CDH8: variants seen among roughly 807,000 people sequenced by gnomAD.
CDH8 encodes cadherin-8.
In CDH8, 17 loss-of-function variants were observed where a neutral mutation model predicts 68.1. The observed-to-expected ratio is 0.25, with a 90% CI of 0.17 to 0.37. The LOEUF (loss-of-function observed/expected upper bound fraction) is 0.37. Ranked by LOEUF, CDH8 falls within the 10% of genes least tolerant of loss-of-function variation. The probability of loss-of-function intolerance (pLI) is 1.00; values close to 1 mark genes in which losing one functional copy is unlikely to be tolerated. For missense variants in CDH8, 763 were observed against 999.3 expected (o/e 0.76, Z 3.19); for synonymous variants, 372 against 365.1 (o/e 1.02, Z -0.21).
rs1437914946 is a variant in CDH8, at chr16:61,733,475, A to T, written c.1415-6260T>A. Among the ~76,000 whole-genome samples, 9 of 147,968 alleles carry T rather than the reference A, an allele frequency of 6.1e-5. No individual in the cohort carries two copies. The East Asian group carries it at 1.5e-3, about 25-fold the overall frequency. On this transcript the variant is annotated intron_variant, in intron 8 of 11. Transcript: ENST00000577390. ...CACTAAAATAAAATAATAAGAAAAT[A>T]AAAAAATATATTGTGCTTCATCAAA...
intron 8 of CDH8, among the ~76,000 whole-genome samples, chr16:61,763,959 G>A (rs1960529214): frequency 6.6e-6 from 1 of 152,128 alleles, no homozygotes. Context: ...TATTGAACAT[G>A]ATATGCTAGT....
chr16:61,870,121 C>T (rs1389316006), intron 3 of CDH8, among the ~76,000 whole-genome samples: 4 of 152,114 alleles, frequency 2.6e-5, no homozygotes, highest in Non-Finnish European at 5.9e-5. Flanking sequence ...CCTTAAAAAT[C>T]GATGTATCTA....
intron 9 of CDH8, among the ~76,000 whole-genome samples, chr16:61,715,581 T>C (rs1462197956): frequency 4.0e-5 from 6 of 151,650 alleles, no homozygotes; most frequent in African/African-American, 1.5e-4. Context: ...ATTAGGGCCA[T>C]TGCTATTTAT....
intron 3 of CDH8, among the ~76,000 whole-genome samples, chr16:61,864,911 G>A (rs781213910): frequency 6.6e-6 from 1 of 152,132 alleles, no homozygotes; most frequent in Non-Finnish European, 1.5e-5. Context: ...TTGCCATTTA[G>A]AAAAGCCAGT....
chr16:61,883,954 GAA>G (rs1166780624), intron 3 of CDH8, among the ~76,000 whole-genome samples: 9 of 106,810 alleles, frequency 8.4e-5, no homozygotes, highest in East Asian at 4.8e-4. Flanking sequence ...GTAAACAGTA[GAA>G]GGTTTTTTTT....
chr16:61,697,494 G>GTTT (rs754345133), intron 10 of CDH8, among the ~76,000 whole-genome samples: 1 of 114,330 alleles, frequency 8.7e-6, no homozygotes. Context: ...CTTTTGGAGA[G>GTTT]TTATTTTTTT....
At chr16:61,659,113 CTTA>C (rs1963506368) in intron 10 of CDH8, among the ~76,000 whole-genome samples, 1 of 152,250 alleles carries the variant, frequency 6.6e-6, no homozygotes, top group Admixed American at 6.5e-5. Flanking sequence ...AAAAGCGAAT[CTTA>C]TTAGAGAATT....
At chr16:61,745,850 T>C (rs538060141) in intron 8 of CDH8, among the ~76,000 whole-genome samples, 1 of 152,204 alleles carries the variant, frequency 6.6e-6, no homozygotes, top group Admixed American at 6.5e-5. Context: ...TTTCTGACTG[T>C]TGCAGGCCCA....
chr16:61,870,985 G>T (rs1963346422), intron 3 of CDH8, among the ~76,000 whole-genome samples: 1 of 151,992 alleles, frequency 6.6e-6, no homozygotes, highest in African/African-American at 2.4e-5. Flanking sequence ...ATCACTTTCA[G>T]ATTTCCAAAA....
intron 2 of CDH8, among the ~76,000 whole-genome samples, chr16:61,953,361 G>C (rs1964926489): frequency 6.6e-6 from 1 of 152,012 alleles, no homozygotes; most frequent in African/African-American, 2.4e-5. Context: ...TCATCTACTT[G>C]ATATTTTTTC....
intron 2 of CDH8, among the ~76,000 whole-genome samples, chr16:61,979,828 T>C (rs1965501189): frequency 6.6e-6 from 1 of 152,172 alleles, no homozygotes; most frequent in Non-Finnish European, 1.5e-5. Flanking sequence ...GCGATACTTA[T>C]TGGACAAATG....
rs530328208 is a variant in CDH8, at chr16:61,990,157, C to T, written c.252+30995G>A. On this transcript the variant is annotated intron_variant, in intron 2 of 11. Transcript: ENST00000577390. The stretch of plus-strand genomic sequence containing the variant: ...GGTTAATATGGTGTCTGGCACAGTG[C>T]GGTAGTAATCATTAAGTTCTTACAG... Among the ~76,000 whole-genome samples the T allele has an allele frequency of 7.2e-5, 11 of 151,988 alleles. No individual in the cohort carries two copies. In the South Asian group the frequency reaches 1.9e-3, roughly 26 times the overall value.
intron 10 of CDH8, among the ~76,000 whole-genome samples, chr16:61,664,125 A>G (rs544703263): frequency 6.6e-6 from 1 of 151,954 alleles, no homozygotes; most frequent in African/African-American, 2.4e-5. Flanking sequence ...TCTGCTTGAT[A>G]ATCTCTCTAC....
At position 61,770,150 on chromosome 16, in the gene CDH8, C is replaced by T. The variant is rs377032076; in HGVS notation, c.1414+19196G>A. ...TCTAAAACAGTGTTCAGGTTACATC[C>T]ATCTAAACATTGTTATGAGGATTGA... On this transcript the variant is annotated intron_variant, in intron 8 of 11. Transcript: ENST00000577390. 4.6e-5 allele frequency among the ~76,000 whole-genome samples: 7 copies of T among 151,840 alleles called. No homozygotes were observed. The East Asian group carries it at 7.8e-4, about 17-fold the overall frequency.
intron 2 of CDH8, among the ~76,000 whole-genome samples, chr16:62,006,911 T>C (rs1202075100): frequency 1.0e-4 from 4 of 40,112 alleles, no homozygotes; most frequent in Admixed American, 1.0e-3. Flanking sequence ...ATAATCTTTT[T>C]GTTTTTTTTT....
intron 3 of CDH8, among the ~76,000 whole-genome samples, chr16:61,883,903 TGA>T (rs943778065): frequency 6.6e-6 from 1 of 151,810 alleles, no homozygotes; most frequent in Non-Finnish European, 1.5e-5. Context: ...AATATAGAAA[TGA>T]GAGTTGAAAA....
Position 61,824,178 on chromosome 16 carries a change from A to G in CDH8, c.835+834T>C, listed in dbSNP as rs569206218. On this transcript the variant is annotated intron_variant, in intron 5 of 11. Transcript: ENST00000577390. ...TAAGTGAAATAAGCCAGATCAAAGG[A>G]AAAAAAGCCCTGCCTGATCTTACTT... 3.9e-5 allele frequency among the ~76,000 whole-genome samples: 6 copies of G among 151,900 alleles called. No individual in the cohort carries two copies. In the East Asian group the frequency reaches 1.2e-3, roughly 30 times the overall value.
At chr16:61,711,440 C>G (rs1403609841) in intron 10 of CDH8, among the ~76,000 whole-genome samples, 1 of 151,790 alleles carries the variant, frequency 6.6e-6, no homozygotes, top group African/African-American at 2.4e-5. Context: ...ACTTGTAACT[C>G]ATACTGCTCT....
rs768700973 is a variant in CDH8 at position 61,821,003 on chromosome 16, T to G, written c.946A>C (p.Ile316Leu). The change falls in exon 6 of 12, where the codon ATC becomes CTC. Residue 316 changes from isoleucine to leucine, a missense_variant. Transcript: ENST00000577390. ...GENAQSSYDI[I>L]DGDGTALFEI... ...AAAAGTGCTGTTCCATCTCCATCGA[T>G]GATATCATATGATGACTGTGCATTT... 3 of 1,612,508 alleles carry G rather than the reference T, an allele frequency of 1.9e-6. No homozygotes were observed. The highest frequency in any genetic ancestry group is 2.5e-6 in the Non-Finnish European group (3 of 1,178,948).
Sources: allele counts gnomAD v4.1 joint callset (sites outside exome capture counted in the v4.1 genomes callset), GRCh38; gene constraint gnomAD v4.1.1; transcripts MANE v1.5; gene names NCBI Gene and HGNC (gene_info 2026-07-23, HGNC 2026-07-21).